Variants in MDGA2 observed in about 807,000 individuals in gnomAD.
The protein encoded by MDGA2 is MAM domain-containing glycosylphosphatidylinositol anchor protein 2.
Under a neutral mutation model 117.8 loss-of-function variants are expected in MDGA2, and 40 were observed. The ratio of observed to expected loss-of-function variants is 0.34; its 90% CI spans 0.26 to 0.44. The LOEUF is 0.44. Among genes scored for constraint, MDGA2 ranks in the 20% least tolerant of loss-of-function variants. The pLI is 1.00. For missense variants in MDGA2, 1,123 were observed against 1,250.6 expected (o/e 0.90, Z 1.54); for synonymous variants, 452 against 439.0 (o/e 1.03, Z -0.37).
Position 47,509,209 on chromosome 14 carries a change from T to C in MDGA2, c.280+165308A>G, listed in dbSNP as rs146884939. Among the ~76,000 whole-genome samples the C allele has an allele frequency of 5.3e-5, 8 of 152,286 alleles. No homozygotes were observed. The East Asian group carries it at 1.2e-3, about 22-fold the overall frequency. ...CATTGAGTAATTAAGTAAACTATAA[T>C]ACAAAAAAGATAGAATGCTAGAAGC... is the stretch of plus-strand genomic sequence containing the variant. On this transcript the variant is annotated intron_variant, in intron 1 of 16. Transcript: ENST00000399232.
At chr14:47,097,806 C>T (rs1156782330) in intron 5 of MDGA2, among the ~76,000 whole-genome samples, 1 of 151,984 alleles carries the variant, frequency 6.6e-6, no homozygotes, top group Non-Finnish European at 1.5e-5. Flanking sequence ...GCCACCAAAC[C>T]ATGCTTGCCA....
chr14:46,907,666 T>C (rs1174546102), intron 10 of MDGA2, among the ~76,000 whole-genome samples: 1 of 152,198 alleles, frequency 6.6e-6, no homozygotes, highest in African/African-American at 2.4e-5. Flanking sequence ...CCATTTTTCA[T>C]ATCATTCATG....
At chr14:47,282,715 CAA>C (rs374691309) in intron 2 of MDGA2, among the ~76,000 whole-genome samples, 5 of 145,124 alleles carry the variant, frequency 3.4e-5, no homozygotes, top group African/African-American at 5.1e-5. Context: ...AAACAAAAAA[CAA>C]AAAACAAAAA....
At chr14:47,456,716 C>A (rs531713646) in intron 1 of MDGA2, among the ~76,000 whole-genome samples, 2 of 151,916 alleles carry the variant, frequency 1.3e-5, no homozygotes, top group African/African-American at 4.8e-5. Flanking sequence ...TAAATGCACA[C>A]GATTAAATGG....
chr14:47,303,798 T>A (rs1889357699), intron 1 of MDGA2, among the ~76,000 whole-genome samples: 1 of 152,126 alleles, frequency 6.6e-6, no homozygotes, highest in African/African-American at 2.4e-5. Context: ...TGACATGACA[T>A]CCTTTCCAGA....
intron 2 of MDGA2, among the ~76,000 whole-genome samples, chr14:47,235,878 C>T (rs1017300692): frequency 2.0e-5 from 3 of 152,106 alleles, no homozygotes; most frequent in South Asian, 2.1e-4. Context: ...TTAGCTGACC[C>T]CAGTGGCTGC....
intron 9 of MDGA2, among the ~76,000 whole-genome samples, chr14:46,936,701 A>C (rs924903783): frequency 2.0e-5 from 3 of 152,084 alleles, no homozygotes; most frequent in African/African-American, 7.2e-5. Flanking sequence ...GACACAGAAG[A>C]AGCATTTGAT....
At chr14:47,210,837 A>G (rs964602948) in intron 3 of MDGA2, among the ~76,000 whole-genome samples, 1 of 152,084 alleles carries the variant, frequency 6.6e-6, no homozygotes, top group African/African-American at 2.4e-5. Context: ...TGAGCAACAA[A>G]GCAAGACCCC....
chr14:47,565,731 C>G (rs540513937), intron 1 of MDGA2, among the ~76,000 whole-genome samples: 1 of 152,184 alleles, frequency 6.6e-6, no homozygotes, highest in East Asian at 1.9e-4. Flanking sequence ...GTGGCATAGG[C>G]AGCCCTGGGG....
At chr14:47,053,523 A>G (rs181785322) in intron 7 of MDGA2, among the ~76,000 whole-genome samples, 1 of 150,542 alleles carries the variant, frequency 6.6e-6, no homozygotes, top group Admixed American at 6.7e-5. Context: ...GCAAAACAAC[A>G]TACTTAAAAG....
intron 10 of MDGA2, among the ~76,000 whole-genome samples, chr14:46,895,161 CTCAT>C (rs1264455366): frequency 2.6e-5 from 4 of 152,064 alleles, no homozygotes; most frequent in African/African-American, 9.7e-5. Flanking sequence ...AATTGTAGTT[CTCAT>C]AATCTTCACG....
chr14:47,029,055 A>G (rs532965384), intron 8 of MDGA2, among the ~76,000 whole-genome samples: 1 of 152,126 alleles, frequency 6.6e-6, no homozygotes, highest in African/African-American at 2.4e-5. Flanking sequence ...CACTAATTCT[A>G]TCTCAACGCT....
intron 1 of MDGA2, among the ~76,000 whole-genome samples, chr14:47,370,052 C>T (rs1891311869): frequency 6.6e-6 from 1 of 151,878 alleles, no homozygotes; most frequent in Non-Finnish European, 1.5e-5. Flanking sequence ...AATATGAAGG[C>T]AAAAGACATA....
chr14:46,953,156 T>A (rs1885428862), intron 9 of MDGA2, among the ~76,000 whole-genome samples: 1 of 151,912 alleles, frequency 6.6e-6, no homozygotes, highest in South Asian at 2.1e-4. Context: ...TGATGTTTAA[T>A]CTTGTACCTC....
In MDGA2 at chr14:47,662,266, G is replaced by A. The variant is rs571152956; in HGVS notation, c.280+12251C>T. ...CCATGCATTTTTTGAATACACATAC[G>A]CACTCTTATATACTCTTAACATAGT... On this transcript the variant is annotated intron_variant, in intron 1 of 16. Coordinates refer to ENST00000399232, the MANE Select transcript of MDGA2 (RefSeq NM_001113498.3). Among the ~76,000 whole-genome samples, 68 of 151,792 alleles carry A rather than the reference G, an allele frequency of 4.5e-4. 1 individual carries two copies. In the South Asian group the frequency reaches 0.013, roughly 29 times the overall value.
At position 46,873,423 on chromosome 14, in the gene MDGA2, G is replaced by A. The variant is rs1382317867; in HGVS notation, c.2752+10C>T. The A allele has an allele frequency of 6.4e-7, 1 of 1,572,908 alleles. No homozygotes were observed. The highest frequency in any genetic ancestry group is 8.6e-7 in the Non-Finnish European group (1 of 1,158,230). ...AATTTTGTAAGAATCAGTAATTATT[G>A]CTATCTCACCTATATGTTGTCCATA... On this transcript the variant is annotated intron_variant, in intron 14 of 16. Transcript: ENST00000399232.
chr14:46,930,134 T>G (rs552629584), intron 9 of MDGA2, among the ~76,000 whole-genome samples: 1 of 152,052 alleles, frequency 6.6e-6, no homozygotes, highest in African/African-American at 2.4e-5. Context: ...CTGAAAAGAT[T>G]GAGAAGTTCA....
At chr14:47,238,427 T>G (rs1886937039) in intron 2 of MDGA2, among the ~76,000 whole-genome samples, 1 of 151,892 alleles carries the variant, frequency 6.6e-6, no homozygotes, top group African/African-American at 2.4e-5. Flanking sequence ...TTCTTTAGAA[T>G]ATTCTGGGTA....
chr14:47,463,639 T>A (rs534836943), intron 1 of MDGA2, among the ~76,000 whole-genome samples: 1 of 152,038 alleles, frequency 6.6e-6, no homozygotes, highest in Non-Finnish European at 1.5e-5. Context: ...GGGTAGGGGA[T>A]TATCTGGATG....
Sources: gnomAD v4.1 joint callset for allele counts (sites outside exome capture counted in the v4.1 genomes callset) on GRCh38, gnomAD v4.1.1 for gene constraint, MANE v1.5 for transcripts, NCBI Gene and HGNC (gene_info 2026-07-23, HGNC 2026-07-21) for gene names.